ANK3: variants seen among roughly 807,000 people sequenced by gnomAD.
The protein encoded by ANK3 is ankyrin-3.
In ANK3, 57 loss-of-function variants were observed where a neutral mutation model predicts 370.9. The observed-to-expected ratio is 0.15, with a 90% CI of 0.12 to 0.19. ANK3 has a LOEUF of 0.19. Among genes scored for constraint, ANK3 ranks in the 10% least tolerant of loss-of-function variants. ANK3 has a pLI of 1.00. For synonymous variants in ANK3, 1,929 were observed against 1,946.3 expected, an observed-to-expected ratio of 0.99 and a Z score of 0.23; for missense variants, 4,439 against 5,302.1, an observed-to-expected ratio of 0.84 and a Z score of 5.06.
At chr10:60,312,168 C>G (rs2046483934) in intron 1 of ANK3, among the ~76,000 whole-genome samples, 1 of 152,274 alleles carries the variant, frequency 6.6e-6, no homozygotes, top group Admixed American at 6.5e-5. Context: ...GGGAAGAAGT[C>G]AAGCAAAATG....
intron 7 of ANK3, among the ~76,000 whole-genome samples, chr10:60,246,254 T>TC (rs1420089182): frequency 0.019 from 255 of 13,368 alleles, 2 homozygotes; most frequent in South Asian, 0.1. Context: ...AAACCCTGTA[T>TC]CAAAAAAAAA....
At chr10:60,581,585 T>C (rs561721251) in intron 2 of ANK3, among the ~76,000 whole-genome samples, 1 of 151,510 alleles carries the variant, frequency 6.6e-6, no homozygotes, top group Admixed American at 6.6e-5. Flanking sequence ...CCACCATGCC[T>C]GGCTAATTAT....
At chr10:60,380,087 T>G (rs1190121949) in intron 1 of ANK3, among the ~76,000 whole-genome samples, 1 of 152,184 alleles carries the variant, frequency 6.6e-6, no homozygotes, top group East Asian at 1.9e-4. Context: ...TATTTATATT[T>G]TTTATTTTAG....
intron 7 of ANK3, among the ~76,000 whole-genome samples, chr10:60,244,633 CTATTT>C (rs1397088472): frequency 6.6e-6 from 1 of 152,112 alleles, no homozygotes; most frequent in Non-Finnish European, 1.5e-5. Flanking sequence ...TTTTCTCATT[CTATTT>C]TCTTATACTT....
chr10:60,448,939 C>A (rs754078245), intron 2 of ANK3, among the ~76,000 whole-genome samples: 1 of 152,172 alleles, frequency 6.6e-6, no homozygotes, highest in Non-Finnish European at 1.5e-5. Context: ...TCACAGGATG[C>A]CAATTTGACT....
chr10:60,083,745 C>T, intron 32 of ANK3, 128 bp from the exon 33 acceptor site: 6 of 743,076 alleles, frequency 8.1e-6, no homozygotes, highest in Non-Finnish European at 1.1e-5. Flanking sequence ...GCAGTTACTT[C>T]TGTGGTGCTA....
At chr10:60,658,659 A>T (rs1010846696) in intron 1 of ANK3, among the ~76,000 whole-genome samples, 1 of 152,128 alleles carries the variant, frequency 6.6e-6, no homozygotes, top group Non-Finnish European at 1.5e-5. Flanking sequence ...AGCTGGTATC[A>T]TTTCCCTTCT....
rs1276642406 is a variant in ANK3, at chr10:60,071,207, T to A, written c.9674A>T (p.Glu3225Val). 1 of 1,614,178 alleles carries A rather than the reference T, an allele frequency of 6.2e-7. No homozygotes were observed. ...STSLKQTTVE[E>V]TAVEREMPND... ...AGGCATTTCACGCTCAACTGCTGTT[T>A]CCTCCACTGTAGTCTGCTTAAGGGA... Residue 3225 changes from glutamate (E) to valine (V), a missense_variant, in exon 37 of 44, where the codon GAA (glutamate) becomes GTA (valine). Glu to Val is a moderately radical substitution (Grantham distance 121). This residue lies in a region of ANK3 where 1,601 missense variants were observed against 1,731.7 expected (regional missense o/e 0.92). Transcript: ENST00000280772.
chr10:60,399,785 A>C (rs1174333831), intron 2 of ANK3, among the ~76,000 whole-genome samples: 1 of 152,174 alleles, frequency 6.6e-6, no homozygotes, highest in Non-Finnish European at 1.5e-5. Flanking sequence ...AAAAATTTAA[A>C]TTGTGGTCTT....
intron 1 of ANK3, among the ~76,000 whole-genome samples, chr10:60,693,553 G>A (rs912796681): frequency 6.6e-6 from 1 of 152,228 alleles, no homozygotes; most frequent in Non-Finnish European, 1.5e-5. Context: ...CTGGAGATCT[G>A]AGAACGGGCA....
chr10:60,213,315 C>A, intron 9 of ANK3, 97 bp downstream of exon 9: 1 of 802,192 alleles, frequency 1.2e-6, no homozygotes, highest in South Asian at 1.8e-5. Context: ...CTGACTGCTA[C>A]ATTGAAAATG....
intron 27 of ANK3, among the ~76,000 whole-genome samples, chr10:60,107,961 A>AT (rs2092363343): frequency 6.6e-6 from 1 of 152,226 alleles, no homozygotes; most frequent in African/African-American, 2.4e-5. Flanking sequence ...CTTGCAGTGA[A>AT]TTCCACATGC....
At chr10:60,477,259 G>A (rs112649031) in intron 2 of ANK3, among the ~76,000 whole-genome samples, 14 of 152,098 alleles carry the variant, frequency 9.2e-5, no homozygotes, top group Admixed American at 2.0e-4. Flanking sequence ...AGTAAGAAGC[G>A]TAAGGGGAAT....
rs1434776076 is a variant in ANK3 at position 60,213,463 on chromosome 10, C to T, written c.945G>A (p.Gln315=). Reference sequence around the variant, plus strand: ...CTCGATCAAGCAACATTTCTACCACCTGCTCGTGGCCACTCCTTGCTCCAC... The same window carrying T: ...CTCGATCAAGCAACATTTCTACCACTTGCTCGTGGCCACTCCTTGCTCCAC... The part of the protein sequence containing the change: ...LHCGARSGHE[Q]VVEMLLDRAA... The change falls in exon 9 of 44, where the codon CAG becomes CAA. Residue 315 remains glutamine (Q), a synonymous_variant. Transcript: ENST00000280772. The T allele has an allele frequency of 6.2e-7, 1 of 1,612,656 alleles. No individual in the cohort carries two copies. Among genetic ancestry groups the T allele is most frequent in the Non-Finnish European group, 8.5e-7 (1 of 1,179,226 alleles).
chr10:60,104,405 G>GAAAAA (rs748365310), intron 28 of ANK3, among the ~76,000 whole-genome samples: 1 of 88,278 alleles, frequency 1.1e-5, no homozygotes, highest in East Asian at 2.9e-4. Context: ...AACAAAGAAA[G>GAAAAA]AAAGAAAAGA....
chr10:60,635,283 T>A (rs2133344312), intron 1 of ANK3, among the ~76,000 whole-genome samples: 1 of 152,330 alleles, frequency 6.6e-6, no homozygotes, highest in South Asian at 2.1e-4. Context: ...TTTCTGAGAC[T>A]TCTTCAGATT....
chr10:60,285,084 C>T (rs1226791601), intron 1 of ANK3, among the ~76,000 whole-genome samples: 1 of 152,066 alleles, frequency 6.6e-6, no homozygotes, highest in African/African-American at 2.4e-5. Flanking sequence ...AGGTAAGAAC[C>T]AAAGCACTGG....
chr10:60,539,670 T>C (rs913097266), intron 2 of ANK3, among the ~76,000 whole-genome samples: 1 of 151,824 alleles, frequency 6.6e-6, no homozygotes, highest in South Asian at 2.1e-4. Context: ...AATGTACATA[T>C]AGGACAAAAC....
intron 2 of ANK3, among the ~76,000 whole-genome samples, chr10:60,610,844 T>C (rs1195687306): frequency 6.6e-6 from 1 of 152,198 alleles, no homozygotes; most frequent in East Asian, 1.9e-4. Flanking sequence ...AGAGGGGCAA[T>C]TGAAAAATTA....
Sources: gnomAD v4.1 joint callset for allele counts (sites outside exome capture counted in the v4.1 genomes callset) on GRCh38, gnomAD v4.1.1 for gene constraint, gnomAD v4.1.1 regional missense constraint, MANE v1.5 for transcripts, NCBI Gene and HGNC (gene_info 2026-07-23, HGNC 2026-07-21) for gene names.